CROCC: variants seen among roughly 807,000 people sequenced by gnomAD.
The protein encoded by CROCC is rootletin.
In CROCC, 180 loss-of-function variants were observed where a neutral mutation model predicts 245.2. The ratio of observed to expected loss-of-function variants is 0.73; its 90% CI spans 0.65 to 0.83. The LOEUF is 0.83. Ranked by LOEUF, CROCC falls within the 40% of genes least tolerant of loss-of-function variation. CROCC has a pLI of 0.00. For missense variants in CROCC, 2,688 were observed against 2,779.4 expected, an observed-to-expected ratio of 0.97 and a Z score of 0.74; for synonymous variants, 1,205 against 1,241.6, an observed-to-expected ratio of 0.97 and a Z score of 0.62.
At chr1:16,934,278 G>T (rs527902360) in intron 8 of CROCC, among the ~76,000 whole-genome samples, 1 of 152,298 alleles carries the variant, frequency 6.6e-6, no homozygotes, top group East Asian at 1.9e-4. Context: ...GAAAGGAAAG[G>T]ATTTAACCTG....
At position 16,922,739 on chromosome 1, in the gene CROCC, G is replaced by A. The variant is rs1241666161; in HGVS notation, c.137G>A (p.Ser46Asn). 2.5e-6 allele frequency: 4 copies of A among 1,613,916 alleles called. No homozygotes were observed. Among genetic ancestry groups the A allele is most frequent in the Non-Finnish European group, 3.4e-6 (4 of 1,180,014 alleles). Reference sequence around the variant, plus strand: ...CTGGCCCAGGACGCTCAGATCACCAGCCTGCCTGCCCTTATCAGGGAGATT... The same window carrying A: ...CTGGCCCAGGACGCTCAGATCACCAACCTGCCTGCCCTTATCAGGGAGATT... Reference protein sequence around the residue: ...RDLAQDAQITSLPALIREIVT... With the variant: ...RDLAQDAQITNLPALIREIVT... The change falls in exon 2 of 37, where the codon AGC (serine) becomes AAC (asparagine). Residue 46 changes from serine (S) to asparagine (N), a missense_variant. Physicochemically the swap from Ser to Asn is conservative, Grantham distance 46 (BLOSUM62 1). This residue lies in a region of CROCC where 972 missense variants were observed against 895.3 expected (regional missense o/e 1.09). Transcript: ENST00000375541.
intron 13 of CROCC, among the ~76,000 whole-genome samples, chr1:16,943,176 A>T (rs2075968547): frequency 6.6e-6 from 1 of 151,856 alleles, no homozygotes. Flanking sequence ...CTGGAGGTGG[A>T]GGTTGCAGCA....
chr1:16,930,847 G>A (rs1391541232), intron 7 of CROCC, among the ~76,000 whole-genome samples: 2 of 152,292 alleles, frequency 1.3e-5, no homozygotes, highest in African/African-American at 4.8e-5. Context: ...ATTTTAAAGA[G>A]AGGTTAAGGC....
Position 16,970,400 on chromosome 1 carries a change from T to C in CROCC, c.5599T>C (p.Ser1867Pro). 1 of 1,605,566 alleles carries C rather than the reference T, an allele frequency of 6.2e-7. No individual in the cohort carries two copies. The highest frequency in any genetic ancestry group is 1.1e-5 in the South Asian group (1 of 89,606). Reference sequence around the variant, plus strand: ...AGCTGAGAAGCGGGAGGTGGAGCGCTCAGCCCTGCGGCTGGAGAAGGACCG... The same window carrying C: ...AGCTGAGAAGCGGGAGGTGGAGCGCCCAGCCCTGCGGCTGGAGAAGGACCG... The part of the protein sequence containing the change: ...LEAEKREVER[S>P]ALRLEKDRVA... The change falls in exon 34 of 37, where the codon TCA becomes CCA. Residue 1867 changes from serine to proline, a missense_variant. This residue lies in a region of CROCC where 1,218 missense variants were observed against 1,286.3 expected (regional missense o/e 0.95). Transcript: ENST00000375541.
chr1:16,971,441 G>A (rs749234253), intron 35 of CROCC, 24 bp from the exon 36 acceptor site: 64 of 1,523,532 alleles, frequency 4.2e-5, no homozygotes, highest in African/African-American at 3.7e-4. Context: ...GGGCCAGAAC[G>A]CGGACCACAG....
In CROCC at chr1:16,945,551, T is replaced by G; in HGVS notation, c.2081T>G (p.Leu694Arg). The change falls in exon 15 of 37, where the codon CTG becomes CGG. Residue 694 changes from leucine (L) to arginine (R), a missense_variant. Physicochemically the swap from Leu to Arg is moderately radical, Grantham distance 102. Around this residue, in one of 9 missense-constraint regions of CROCC, gnomAD observed 18 missense variants for 61.1 expected, o/e 0.29. Coordinates refer to ENST00000375541, the MANE Select transcript of CROCC (RefSeq NM_014675.5). Reference sequence around the variant, plus strand: ...AGGGAGGCGCTGAGCCGCGCCACACTGCAACGGGACATGCTGCAGGCCGAG... The same window carrying G: ...AGGGAGGCGCTGAGCCGCGCCACACGGCAACGGGACATGCTGCAGGCCGAG... The part of the protein sequence containing the change: ...EVREALSRAT[L>R]QRDMLQAEKA... 1 of 1,612,374 alleles carries G rather than the reference T, an allele frequency of 6.2e-7. No individual in the cohort carries two copies. The highest frequency in any genetic ancestry group is 8.5e-7 in the Non-Finnish European group (1 of 1,179,884).
chr1:16,933,829 G>A (rs1268864508), intron 8 of CROCC, among the ~76,000 whole-genome samples: 237 of 152,278 alleles, frequency 1.6e-3, no homozygotes, highest in Middle Eastern at 6.8e-3. Context: ...AAAGTGCTGG[G>A]ATTACAGGCC....
intron 15 of CROCC, among the ~76,000 whole-genome samples, chr1:16,945,940 CA>C (rs1459552483): frequency 1.4e-4 from 22 of 152,282 alleles, no homozygotes; most frequent in African/African-American, 2.7e-4. Context: ...GGGTCCTTGG[CA>C]GGGGGGCCTG....
At chr1:16,925,831 G>T (rs2075522035) in intron 3 of CROCC, among the ~76,000 whole-genome samples, 1 of 152,248 alleles carries the variant, frequency 6.6e-6, no homozygotes, top group African/African-American at 2.4e-5. Context: ...ACAGTGGAGA[G>T]CTCGTTTCCC....
Position 16,961,050 on chromosome 1 carries a change from G to A in CROCC, c.4325G>A (p.Arg1442Gln). 3.0e-6 allele frequency: 4 copies of A among 1,329,974 alleles called. No homozygotes were observed. The highest frequency in any genetic ancestry group is 2.0e-5 in the South Asian group (1 of 51,088). The allele number at this position is 1,329,974 out of a possible 1,614,324, so 82.4% of individuals were successfully genotyped here. A position where few individuals can be genotyped will look rare whatever the true frequency, so the allele number is the denominator to read the frequency against. ...QLGGLRSALR[R>Q]GLGLGRAPSP... ...GGTGGCCTGCGCTCGGCTCTGCGCC[G>A]GGGCCTCGGCCTCGGTCGCGCGCCC... Residue 1442 changes from arginine (R) to glutamine (Q), a missense_variant, in exon 27 of 37, where the codon CGG becomes CAG. By Grantham distance (43) the Arg-to-Gln change is conservative. This residue lies in a region of CROCC where 1,218 missense variants were observed against 1,286.3 expected (regional missense o/e 0.95). Transcript: ENST00000375541.
chr1:16,948,379 C>G lies in CROCC; in HGVS notation c.2563C>G (p.Arg855Gly). ...GREQELEQAR[R>G]EAQRQVEALE... is the part of the protein sequence containing the mutation. ...GGAGCAGGAGCTGGAGCAGGCCCGGCGGGAGGCCCAGCGGCAAGTGGAGGC... is the reference window on the plus strand; with the variant it reads ...GGAGCAGGAGCTGGAGCAGGCCCGGGGGGAGGCCCAGCGGCAAGTGGAGGC... Residue 855 changes from arginine (R) to glycine (G), a missense_variant, in exon 18 of 37, where the codon CGG (arginine) becomes GGG (glycine). Around this residue, in one of 9 missense-constraint regions of CROCC, gnomAD observed 295 missense variants for 241.7 expected, o/e 1.22. Coordinates refer to ENST00000375541, the MANE Select transcript of CROCC (RefSeq NM_014675.5). 6.3e-7 allele frequency: 1 copy of G among 1,578,170 alleles called. No homozygotes were observed. Among genetic ancestry groups the G allele is most frequent in the Non-Finnish European group, 8.6e-7 (1 of 1,165,228 alleles).
At position 16,961,061 on chromosome 1, in the gene CROCC, C is replaced by T. The variant is rs2076323936; in HGVS notation, c.4336C>T (p.Leu1446Phe). The change falls in exon 27 of 37, where the codon CTC becomes TTC. Residue 1446 changes from leucine to phenylalanine, a missense_variant. By Grantham distance (22) the Leu-to-Phe change is conservative. This residue lies in a region of CROCC where 1,218 missense variants were observed against 1,286.3 expected (regional missense o/e 0.95). Transcript: ENST00000375541. ...CTCGGCTCTGCGCCGGGGCCTCGGCCTCGGTCGCGCGCCCAGCCCAGCCCC... is the reference window on the plus strand; with the variant it reads ...CTCGGCTCTGCGCCGGGGCCTCGGCTTCGGTCGCGCGCCCAGCCCAGCCCC... Reference protein sequence around the residue: ...LRSALRRGLGLGRAPSPAPRP... With the variant: ...LRSALRRGLGFGRAPSPAPRP... 7.5e-7 allele frequency: 1 copy of T among 1,337,966 alleles called. No homozygotes were observed. The allele number at this position is 1,337,966 out of a possible 1,614,324, so 82.9% of individuals were successfully genotyped here. A position where few individuals can be genotyped will look rare whatever the true frequency, so the allele number is the denominator to read the frequency against.
chr1:16,951,237 C>CCTGGGGACAGCTAGGAGGA (rs2076154867), intron 20 of CROCC, 115 bp downstream of exon 20: 11 of 984,168 alleles, frequency 1.1e-5, no homozygotes, highest in Non-Finnish European at 1.5e-5. Flanking sequence ...TTGTGGAGGT[C>CCTGGGGACAGCTAGGAGGA]CTGGGGACAG....
intron 30 of CROCC, among the ~76,000 whole-genome samples, chr1:16,967,482 G>A (rs1355786739): frequency 6.6e-6 from 1 of 152,224 alleles, no homozygotes; most frequent in African/African-American, 2.4e-5. Flanking sequence ...CAGCCGCAGG[G>A]GCTGCAGGAG....
At chr1:16,936,115 T>C (rs2075783083) in intron 8 of CROCC, among the ~76,000 whole-genome samples, 2 of 152,254 alleles carry the variant, frequency 1.3e-5, no homozygotes, top group Non-Finnish European at 2.9e-5. Context: ...GTAGGGTTTT[T>C]TTTTTCTTCC....
chr1:16,916,183 C>CAAAAAAAA (rs58710425), intron 1 of CROCC, among the ~76,000 whole-genome samples: 34 of 107,908 alleles, frequency 3.2e-4, no homozygotes, highest in Middle Eastern at 9.9e-3. Context: ...GACTCTGCCT[C>CAAAAAAAA]AAAAAAAAAG....
intron 31 of CROCC, 99 bp downstream of exon 31, chr1:16,968,517 A>G: frequency 8.5e-7 from 1 of 1,180,716 alleles, no homozygotes; most frequent in East Asian, 2.7e-5. Flanking sequence ...TGAGGCAAGT[A>G]TTACCCACAT....
In CROCC at chr1:16,969,157, C is replaced by T. The variant is rs1234160654; in HGVS notation, c.5118C>T (p.Thr1706=). The T allele has an allele frequency of 6.2e-6, 10 of 1,609,608 alleles. No individual in the cohort carries two copies. Among genetic ancestry groups the T allele is most frequent in the Non-Finnish European group, 7.6e-6 (9 of 1,178,332 alleles). The change falls in exon 32 of 37, where the codon ACC becomes ACT. Residue 1706 remains threonine, a synonymous_variant. Coordinates refer to ENST00000375541, the MANE Select transcript of CROCC (RefSeq NM_014675.5). ...TGAAGGCAGGGACCCTGCAGCTGAC[C>T]GTGGAGCGGCTGAATGGGGCCCTGG... The part of the protein sequence containing the change: ...SEVKAGTLQL[T]VERLNGALAK...
chr1:16,922,991 C>T (rs142991133), intron 2 of CROCC, among the ~76,000 whole-genome samples, 193 bp downstream of exon 2: 346 of 152,306 alleles, frequency 2.3e-3, no homozygotes, highest in African/African-American at 7.9e-3. Context: ...AGACTTATTC[C>T]GCATGTGGTG....
Sources: gnomAD v4.1 joint callset for allele counts (sites outside exome capture counted in the v4.1 genomes callset) on GRCh38, gnomAD v4.1.1 for gene constraint, gnomAD v4.1.1 regional missense constraint, MANE v1.5 for transcripts, NCBI Gene and HGNC (gene_info 2026-07-23, HGNC 2026-07-21) for gene names.